The following RAB3B variants were observed in gnomAD, a reference collection of about 807,000 sequenced individuals.
RAB3B encodes RAB3B, member RAS oncogene family.
Under a neutral mutation model 20.5 loss-of-function variants are expected in RAB3B, and 11 were observed. The observed-to-expected ratio is 0.54, with a 90% CI of 0.34 to 0.89. The LOEUF (loss-of-function observed/expected upper bound fraction) is 0.89, where lower values mean the gene tolerates loss of function less well. RAB3B is among the 40% of genes least tolerant of loss of function. The pLI, the probability that RAB3B is intolerant of heterozygous loss-of-function variation, is 0.02. For missense variants in RAB3B, 225 were observed against 280.9 expected (o/e 0.80, Z 1.42); for synonymous variants, 99 against 106.3 (o/e 0.93, Z 0.42).
At position 51,916,834 on chromosome 1, in the gene RAB3B, T is replaced by C. The variant is rs1356108164; in HGVS notation, c.*3093A>G. On this transcript the variant is annotated 3_prime_UTR_variant, in exon 5 of 5. Transcript: ENST00000371655. ...CATCACCTGGGATTAGTCTGAGTAG[T>C]TGAGCAATTTGTTAACAGATTAGAG... The C allele has an allele frequency of 6.6e-6, 1 of 152,238 alleles. No individual in the cohort carries two copies. Among genetic ancestry groups the C allele is most frequent in the African/African-American group, 2.4e-5 (1 of 41,470 alleles). 9.4% of individuals were successfully genotyped at this position (152,238 alleles called of 1,614,324 possible). A position where few individuals can be genotyped will look rare whatever the true frequency, so the allele number is the denominator to read the frequency against.
intron 3 of RAB3B, among the ~76,000 whole-genome samples, chr1:51,933,661 G>A (rs1684357955): frequency 6.6e-6 from 1 of 152,114 alleles, no homozygotes; most frequent in Non-Finnish European, 1.5e-5. Context: ...CTTGGCCATG[G>A]GAGGATACAA....
At chr1:51,934,775 CAAAAAA>C (rs34750673) in intron 3 of RAB3B, among the ~76,000 whole-genome samples, 1 of 69,904 alleles carries the variant, frequency 1.4e-5, no homozygotes. Context: ...GACTCCATCT[CAAAAAA>C]AAAAAAAAAA....
At chr1:51,961,782 A>AT (rs1158419911) in intron 2 of RAB3B, among the ~76,000 whole-genome samples, 8 of 151,568 alleles carry the variant, frequency 5.3e-5, no homozygotes, top group East Asian at 1.9e-4. Context: ...TTTTATTTTT[A>AT]TTTTTTTTGA....
chr1:51,969,736 C>T (rs1293165243), intron 2 of RAB3B, among the ~76,000 whole-genome samples: 2 of 152,114 alleles, frequency 1.3e-5, no homozygotes, highest in Admixed American at 6.6e-5. Flanking sequence ...ATAAAAACTA[C>T]GATTTGTTGA....
chr1:51,984,466 C>A (rs1260109523), intron 1 of RAB3B, among the ~76,000 whole-genome samples: 1 of 144,494 alleles, frequency 6.9e-6, no homozygotes, highest in Admixed American at 7.0e-5. Flanking sequence ...TCTTGGCTCA[C>A]TGCAACCTCC....
rs1337878845 is a variant in RAB3B, at chr1:51,912,792, G to A, written c.*7135C>T. On this transcript the variant is annotated 3_prime_UTR_variant, in exon 5 of 5. Transcript: ENST00000371655. Reference sequence around the variant, plus strand: ...TAGAAGTAAAACCCTAGGATCTGCTGCTAGATTAGACAAGGAGGCTGAGAA... The same window carrying A: ...TAGAAGTAAAACCCTAGGATCTGCTACTAGATTAGACAAGGAGGCTGAGAA... 1.3e-5 allele frequency: 2 copies of A among 151,618 alleles called. No individual in the cohort carries two copies. The highest frequency in any genetic ancestry group is 2.4e-5 in the African/African-American group (1 of 41,232). 9.4% of individuals were successfully genotyped at this position (151,618 alleles called of 1,614,324 possible). A position where few individuals can be genotyped will look rare whatever the true frequency, so the allele number is the denominator to read the frequency against.
intron 2 of RAB3B, among the ~76,000 whole-genome samples, chr1:51,959,927 G>A (rs1052041042): frequency 1.3e-5 from 2 of 152,176 alleles, no homozygotes; most frequent in Non-Finnish European, 2.9e-5. Context: ...CTGTGGTTGG[G>A]TTGGGGGTTT....
intron 2 of RAB3B, among the ~76,000 whole-genome samples, chr1:51,952,649 A>G (rs1684655998): frequency 6.6e-6 from 1 of 152,210 alleles, no homozygotes; most frequent in Admixed American, 6.5e-5. Context: ...TAAATACTGA[A>G]TGAACAAAGG....
Position 51,919,881 on chromosome 1 carries a change from T to C in RAB3B, c.*46A>G. The C allele has an allele frequency of 6.4e-7, 1 of 1,559,872 alleles. No homozygotes were observed. The highest frequency in any genetic ancestry group is 8.7e-7 in the Non-Finnish European group (1 of 1,144,222). Reference sequence around the variant, plus strand: ...CAGTGTGTAACAGGGAGAAGCAGACTGGGTGTGGGGCCACAATGAGGGGAG... The same window carrying C: ...CAGTGTGTAACAGGGAGAAGCAGACCGGGTGTGGGGCCACAATGAGGGGAG... On this transcript the variant is annotated 3_prime_UTR_variant, in exon 5 of 5. Coordinates refer to ENST00000371655, the MANE Select transcript of RAB3B (RefSeq NM_002867.4).
intron 2 of RAB3B, among the ~76,000 whole-genome samples, chr1:51,959,399 C>A (rs1684755439): frequency 6.6e-6 from 1 of 152,096 alleles, no homozygotes; most frequent in African/African-American, 2.4e-5. Context: ...AGGGTCCCAT[C>A]CACTCTGGAG....
At chr1:51,981,548 A>G (rs1305866315) in intron 1 of RAB3B, among the ~76,000 whole-genome samples, 1 of 152,238 alleles carries the variant, frequency 6.6e-6, no homozygotes, top group African/African-American at 2.4e-5. Flanking sequence ...CATACCATGC[A>G]TTCTAGTCTA....
At chr1:51,959,180 T>C (rs750285958) in intron 2 of RAB3B, among the ~76,000 whole-genome samples, 1 of 152,142 alleles carries the variant, frequency 6.6e-6, no homozygotes, top group Non-Finnish European at 1.5e-5. Flanking sequence ...GAAGAGATGA[T>C]ACTTGAACTG....
rs564479827 is a variant in RAB3B at position 51,912,906 on chromosome 1, G to A, written c.*7021C>T. 6.6e-6 allele frequency: 1 copy of A among 152,182 alleles called. No individual in the cohort carries two copies. Among genetic ancestry groups the A allele is most frequent in the East Asian group, 1.9e-4 (1 of 5,180 alleles). The allele number at this position is 152,182 out of a possible 1,614,324, so 9.4% of individuals were successfully genotyped here. A position where few individuals can be genotyped will look rare whatever the true frequency, so the allele number is the denominator to read the frequency against. ...GGGGCAGAATCAAGAGTTTCAATTTGGACATGTTAAGTTTGAGACATGAAA... is the reference window on the plus strand; with the variant it reads ...GGGGCAGAATCAAGAGTTTCAATTTAGACATGTTAAGTTTGAGACATGAAA... On this transcript the variant is annotated 3_prime_UTR_variant, in exon 5 of 5. Coordinates refer to ENST00000371655, the MANE Select transcript of RAB3B (RefSeq NM_002867.4).
At chr1:51,946,004 T>C (rs1684559848) in intron 2 of RAB3B, among the ~76,000 whole-genome samples, 1 of 152,264 alleles carries the variant, frequency 6.6e-6, no homozygotes, top group Non-Finnish European at 1.5e-5. Flanking sequence ...TTTAAGTGTC[T>C]GGCTTATAAT....
At chr1:51,930,415 C>T (rs982651219) in intron 4 of RAB3B, among the ~76,000 whole-genome samples, 4 of 152,164 alleles carry the variant, frequency 2.6e-5, no homozygotes, top group Non-Finnish European at 5.9e-5. Context: ...ACCACATTTG[C>T]TGTGTAGTAA....
intron 1 of RAB3B, among the ~76,000 whole-genome samples, chr1:51,987,479 TTTTG>T (rs987258287): frequency 9.2e-5 from 14 of 152,312 alleles, no homozygotes; most frequent in African/African-American, 2.4e-4. Context: ...TAACCCCTTA[TTTTG>T]TTTGTTTGTT....
At chr1:51,974,433 T>C (rs1396614085) in intron 2 of RAB3B, among the ~76,000 whole-genome samples, 1 of 152,172 alleles carries the variant, frequency 6.6e-6, no homozygotes, top group South Asian at 2.1e-4. Context: ...AAAATTTGCA[T>C]TTCTAACAAA....
Position 51,912,554 on chromosome 1 carries a change from A to AAAAAAAAAAAT in RAB3B, c.*7372_*7373insATTTTTTTTTT, listed in dbSNP as rs1491223921. The AAAAAAAAAAAT allele has an allele frequency of 1.9e-4, 3 of 15,502 alleles. 1 individual carries two copies. Among genetic ancestry groups the AAAAAAAAAAAT allele is most frequent in the African/African-American group, 5.2e-4 (3 of 5,746 alleles). The allele number at this position is 15,502 out of a possible 1,614,324, so 1.0% of individuals were successfully genotyped here. A position where few individuals can be genotyped will look rare whatever the true frequency, so the allele number is the denominator to read the frequency against. ...AGACCGTCTCTATTAAAAAAAAAAA[A>AAAAAAAAAAAT]ATATATATATATATATATATATATA... is the stretch of plus-strand genomic sequence containing the variant. On this transcript the variant is annotated 3_prime_UTR_variant, in exon 5 of 5. Coordinates refer to ENST00000371655, the MANE Select transcript of RAB3B (RefSeq NM_002867.4).
rs1486216321 is a variant in RAB3B, at chr1:51,954,951, C to G, written c.229-17539G>C. On this transcript the variant is annotated intron_variant, in intron 2 of 4. Transcript: ENST00000371655. Reference sequence around the variant, plus strand: ...CCAGGTCAAGGTGCTTGGATGTCGTCCTGACGAGAACAGAAAGCCACTGAA... The same window carrying G: ...CCAGGTCAAGGTGCTTGGATGTCGTGCTGACGAGAACAGAAAGCCACTGAA... Among the ~76,000 whole-genome samples the G allele has an allele frequency of 2.0e-5, 3 of 152,152 alleles. No individual in the cohort carries two copies. In the East Asian group the frequency reaches 5.8e-4, roughly 29 times the overall value.
Sources: gnomAD v4.1 joint callset for allele counts (sites outside exome capture counted in the v4.1 genomes callset) on GRCh38, gnomAD v4.1.1 for gene constraint, MANE v1.5 for transcripts, NCBI Gene and HGNC (gene_info 2026-07-23, HGNC 2026-07-21) for gene names.